Variants in DOCK4 observed in about 807,000 individuals in gnomAD.
The protein encoded by DOCK4 is dedicator of cytokinesis protein 4.
A neutral mutation model predicts 268.1 loss-of-function variants in DOCK4; 97 were observed. The observed-to-expected ratio is 0.36, with a 90% confidence interval of 0.31 to 0.43. DOCK4 has a LOEUF of 0.43. Among genes scored for constraint, DOCK4 ranks in the 20% least tolerant of loss-of-function variants. The pLI is 1.00. For missense variants in DOCK4, 2,145 were observed against 2,455.7 expected (o/e 0.87, Z 2.67); for synonymous variants, 954 against 887.2 (o/e 1.08, Z -1.34).
intron 1 of DOCK4, among the ~76,000 whole-genome samples, chr7:112,160,678 T>C (rs1817030577): frequency 6.6e-6 from 1 of 152,200 alleles, no homozygotes; most frequent in Non-Finnish European, 1.5e-5. Context: ...CAGAGGTCAG[T>C]GGCCACTGCA....
chr7:112,018,169 A>AAAC (rs1562997171), intron 1 of DOCK4, among the ~76,000 whole-genome samples: 2 of 138,920 alleles, frequency 1.4e-5, no homozygotes, highest in African/African-American at 6.0e-5. Context: ...AAAAAAAAAA[A>AAAC]AAAAAAAAAA....
At chr7:111,988,618 C>T (rs572845189) in intron 6 of DOCK4, among the ~76,000 whole-genome samples, 5 of 152,220 alleles carry the variant, frequency 3.3e-5, no homozygotes, top group South Asian at 2.1e-4. Context: ...TGTCTCCCTC[C>T]GGATTACACT....
At chr7:112,134,904 C>T (rs1814176154) in intron 1 of DOCK4, among the ~76,000 whole-genome samples, 1 of 152,108 alleles carries the variant, frequency 6.6e-6, no homozygotes, top group Non-Finnish European at 1.5e-5. Flanking sequence ...AATAATACAT[C>T]ATAATAAAAC....
intron 7 of DOCK4, 70 bp downstream of exon 7, chr7:111,984,236 A>G: frequency 7.6e-7 from 1 of 1,323,848 alleles, no homozygotes; most frequent in Non-Finnish European, 1.0e-6. Flanking sequence ...AAAATCAAGC[A>G]AGTATGAGGA....
intron 16 of DOCK4, among the ~76,000 whole-genome samples, chr7:111,888,820 C>A (rs1808054920): frequency 6.6e-6 from 1 of 151,982 alleles, no homozygotes; most frequent in Non-Finnish European, 1.5e-5. Context: ...ATGGAATGAG[C>A]CTTATAGAGG....
chr7:111,984,279 C>T (rs368793430), intron 7 of DOCK4, 27 bp downstream of exon 7: 3 of 1,591,278 alleles, frequency 1.9e-6, no homozygotes, highest in Non-Finnish European at 2.6e-6. Context: ...AGCAGGAAGA[C>T]TGGAAGCCAA....
intron 12 of DOCK4, among the ~76,000 whole-genome samples, chr7:111,917,133 G>A (rs1480762206): frequency 2.0e-5 from 3 of 151,632 alleles, no homozygotes; most frequent in Non-Finnish European, 2.9e-5. Flanking sequence ...GACTACAGGC[G>A]TCCGCCATCA....
intron 1 of DOCK4, among the ~76,000 whole-genome samples, chr7:112,044,585 T>C (rs1804667386): frequency 6.6e-6 from 1 of 152,166 alleles, no homozygotes; most frequent in African/African-American, 2.4e-5. Context: ...GTGTCTAACA[T>C]GTCCTTCAAA....
intron 1 of DOCK4, among the ~76,000 whole-genome samples, chr7:112,014,151 C>A (rs1399954218): frequency 6.6e-6 from 1 of 152,296 alleles, no homozygotes; most frequent in East Asian, 1.9e-4. Context: ...GTTATTAAGT[C>A]ATGAGAAAGA....
At chr7:112,181,291 G>A (rs568294830) in intron 1 of DOCK4, among the ~76,000 whole-genome samples, 10 of 152,182 alleles carry the variant, frequency 6.6e-5, no homozygotes, top group South Asian at 2.1e-4. Flanking sequence ...ATGAACCCAC[G>A]TGTAATTATA....
intron 8 of DOCK4, among the ~76,000 whole-genome samples, chr7:111,958,215 G>A (rs564356296): frequency 3.3e-5 from 5 of 152,214 alleles, no homozygotes; most frequent in African/African-American, 4.8e-5. Flanking sequence ...TGTGTCAGGC[G>A]CACTACAAGG....
intron 10 of DOCK4, among the ~76,000 whole-genome samples, chr7:111,941,401 C>A (rs190041336): frequency 1.1e-3 from 169 of 151,984 alleles, no homozygotes; most frequent in African/African-American, 3.9e-3. Flanking sequence ...CTGATTTAAA[C>A]AAATTTAAAA....
intron 1 of DOCK4, among the ~76,000 whole-genome samples, chr7:112,161,096 C>A (rs1262763360): frequency 6.6e-6 from 1 of 152,170 alleles, no homozygotes; most frequent in Non-Finnish European, 1.5e-5. Flanking sequence ...AAATTTCCTA[C>A]TGATTCCTTT....
chr7:111,998,243 G>C (rs1800124816), intron 4 of DOCK4, among the ~76,000 whole-genome samples: 1 of 152,156 alleles, frequency 6.6e-6, no homozygotes, highest in Admixed American at 6.5e-5. Flanking sequence ...CAGTCTCTCA[G>C]ATCCTCTTGT....
chr7:112,121,578 T>C (rs6466400), intron 1 of DOCK4, among the ~76,000 whole-genome samples: 42,419 of 152,166 alleles, frequency 0.28, 6,866 homozygotes, highest in Non-Finnish European at 0.36. Context: ...CCACCTACAT[T>C]ATTTCATCAC....
chr7:112,006,621 T>C (rs1800887161), intron 1 of DOCK4, among the ~76,000 whole-genome samples: 1 of 152,210 alleles, frequency 6.6e-6, no homozygotes, highest in East Asian at 1.9e-4. Context: ...GGTTCCTCTA[T>C]AAAACAAAGG....
At chr7:111,993,196 A>T (rs1039966430) in intron 5 of DOCK4, among the ~76,000 whole-genome samples, 10 of 152,246 alleles carry the variant, frequency 6.6e-5, no homozygotes, top group Non-Finnish European at 1.5e-4. Flanking sequence ...GACAATAAAC[A>T]CTATCATTCT....
chr7:111,896,668 T>G (rs969157090), intron 15 of DOCK4, among the ~76,000 whole-genome samples: 4 of 152,152 alleles, frequency 2.6e-5, no homozygotes, highest in Admixed American at 2.6e-4. Context: ...AAGTTCAACT[T>G]TGGGATGCAG....
rs572409385 is a variant in DOCK4, at chr7:111,831,702, G to C, written c.2835+2886C>G. On this transcript the variant is annotated intron_variant, in intron 26 of 52. Transcript: ENST00000428084. ...GGGTCTTGCCATATTGCCCAGGCTG[G>C]TCTCTAACTCCTGGGCTCAAGTGAT... Among the ~76,000 whole-genome samples, 5 of 151,992 alleles carry C rather than the reference G, an allele frequency of 3.3e-5. No individual in the cohort carries two copies. In the East Asian group the frequency reaches 7.8e-4, roughly 24 times the overall value.
Sources: gnomAD v4.1 joint callset for allele counts (sites outside exome capture counted in the v4.1 genomes callset) on GRCh38, gnomAD v4.1.1 for gene constraint, MANE v1.5 for transcripts, NCBI Gene and HGNC (gene_info 2026-07-23, HGNC 2026-07-21) for gene names.